The following SAMD5 variants were observed in gnomAD, a reference collection of about 807,000 sequenced individuals.
SAMD5 encodes sterile alpha motif domain-containing protein 5.
SAMD5 carries 13 observed loss-of-function variants against 11.3 expected under a neutral mutation model. The ratio of observed to expected loss-of-function variants is 1.15; its 90% CI spans 0.75 to 1.83. SAMD5 has a LOEUF of 1.83. Among genes scored for constraint, SAMD5 ranks in the 40% most tolerant of loss-of-function variants. SAMD5 has a pLI of 0.00. For synonymous variants in SAMD5, 129 were observed against 111.3 expected (o/e 1.16, Z -1.00); for missense variants, 255 against 239.1 (o/e 1.07, Z -0.44).
chr6:147,680,797 A>G (rs1790930029), intron 1 of SAMD5, among the ~76,000 whole-genome samples: 1 of 152,110 alleles, frequency 6.6e-6, no homozygotes, highest in Non-Finnish European at 1.5e-5. Context: ...GTCCTTTAAC[A>G]TGATTAAAAT....
chr6:147,769,311 T>C, the SAMD5 span, among the ~76,000 whole-genome samples: 2 of 152,240 alleles, frequency 1.3e-5, no homozygotes. Flanking sequence ...CATTATTTCA[T>C]TTCAATACCA....
chr6:147,607,560 C>T (rs1382280042), intron 1 of SAMD5, among the ~76,000 whole-genome samples: 1 of 151,914 alleles, frequency 6.6e-6, no homozygotes, highest in Non-Finnish European at 1.5e-5. Context: ...GATAAAGGTG[C>T]CAAGGATATA....
the SAMD5 span, among the ~76,000 whole-genome samples, chr6:147,909,308 A>G: frequency 6.6e-6 from 1 of 151,166 alleles, no homozygotes; most frequent in Non-Finnish European, 1.5e-5. Context: ...AAGTCCTTGA[A>G]GAATCTACAC....
the SAMD5 span, among the ~76,000 whole-genome samples, chr6:147,832,374 G>A: frequency 6.6e-6 from 1 of 152,022 alleles, no homozygotes; most frequent in Non-Finnish European, 1.5e-5. Context: ...AAATAAAAAC[G>A]ATGTGAATTT....
At chr6:147,896,875 C>T in the SAMD5 span, among the ~76,000 whole-genome samples, 1 of 151,864 alleles carries the variant, frequency 6.6e-6, no homozygotes, top group African/African-American at 2.4e-5. Flanking sequence ...AGAGCATGGA[C>T]GAACCTCAAA....
chr6:147,645,288 C>A (rs1790381295), intron 1 of SAMD5, among the ~76,000 whole-genome samples: 1 of 152,100 alleles, frequency 6.6e-6, no homozygotes, highest in Non-Finnish European at 1.5e-5. Context: ...GAACAAAGGC[C>A]AGCTCCCCTG....
At chr6:147,536,316 A>G (rs1788508770) in intron 1 of SAMD5, among the ~76,000 whole-genome samples, 1 of 152,192 alleles carries the variant, frequency 6.6e-6, no homozygotes, top group Non-Finnish European at 1.5e-5. Context: ...TATGCAATTA[A>G]CTATACTGCC....
the SAMD5 span, among the ~76,000 whole-genome samples, chr6:147,795,076 T>G: frequency 6.6e-6 from 1 of 151,726 alleles, no homozygotes; most frequent in African/African-American, 2.4e-5. Context: ...TTTTTTATTA[T>G]TATTATACTT....
the SAMD5 span, among the ~76,000 whole-genome samples, chr6:147,904,489 G>T: frequency 6.6e-6 from 1 of 152,180 alleles, no homozygotes. Flanking sequence ...GATTATGTGA[G>T]AAAGAAAAAC....
chr6:147,915,901 CT>C, the SAMD5 span, among the ~76,000 whole-genome samples: 1 of 119,832 alleles, frequency 8.3e-6, no homozygotes, highest in Non-Finnish European at 1.7e-5. Context: ...TCCCTCCCCC[CT>C]CCCCCCACCC....
intron 1 of SAMD5, among the ~76,000 whole-genome samples, chr6:147,658,618 G>A (rs1330745502): frequency 1.3e-5 from 2 of 151,286 alleles, no homozygotes; most frequent in Non-Finnish European, 2.9e-5. Flanking sequence ...GATATGAGAG[G>A]CATTAAAGAC....
rs758989797 is a variant in SAMD5, at chr6:147,567,438, G to A, written c.*2982G>A. Reference sequence around the variant, plus strand: ...ATTATTCTAGTAGTATTTTCCTGCGGTGAATCTGTTAAGGATGTAAGCTAT... The same window carrying A: ...ATTATTCTAGTAGTATTTTCCTGCGATGAATCTGTTAAGGATGTAAGCTAT... On this transcript the variant is annotated 3_prime_UTR_variant, in exon 2 of 2. Transcript: ENST00000367474. 5.0e-5 allele frequency: 49 copies of A among 984,546 alleles called. No individual in the cohort carries two copies. Among genetic ancestry groups the A allele is most frequent in the Non-Finnish European group, 5.9e-5 (49 of 829,224 alleles). The allele number at this position is 984,546 out of a possible 1,614,324, so 61.0% of individuals were successfully genotyped here. A position where few individuals can be genotyped will look rare whatever the true frequency, so the allele number is the denominator to read the frequency against.
chr6:147,799,118 T>C, the SAMD5 span, among the ~76,000 whole-genome samples: 1 of 151,992 alleles, frequency 6.6e-6, no homozygotes, highest in Non-Finnish European at 1.5e-5. Context: ...ATTATGATGT[T>C]AGCTGGTGAT....
chr6:147,511,976 G>T (rs1410509825), intron 1 of SAMD5, among the ~76,000 whole-genome samples: 3 of 152,142 alleles, frequency 2.0e-5, no homozygotes. Context: ...GTTTGTTTGA[G>T]ATGGAGTCTC....
intron 1 of SAMD5, among the ~76,000 whole-genome samples, chr6:147,616,029 A>G (rs1609734): frequency 0.28 from 42,428 of 151,518 alleles, 7,392 homozygotes; most frequent in African/African-American, 0.5. Context: ...GTGATGTTGG[A>G]CCTTTGCCTT....
At chr6:147,593,307 A>G (rs1183141436) in intron 1 of SAMD5, among the ~76,000 whole-genome samples, 1 of 152,170 alleles carries the variant, frequency 6.6e-6, no homozygotes, top group East Asian at 1.9e-4. Flanking sequence ...GACAGACAAC[A>G]TACAAGTAAA....
chr6:147,881,343 C>A, the SAMD5 span, among the ~76,000 whole-genome samples: 8 of 152,144 alleles, frequency 5.3e-5, no homozygotes, highest in Non-Finnish European at 1.2e-4. Context: ...TAGATGCCAC[C>A]TGACTCAAAA....
rs184384302 is a variant in SAMD5, at chr6:147,597,917, T to G, written c.162+88530T>G. Reference sequence around the variant, plus strand: ...AGATACTGCCCAGATAGAACCACCCTGCAGGCCGGGTCACTCAGAGCACCC... The same window carrying G: ...AGATACTGCCCAGATAGAACCACCCGGCAGGCCGGGTCACTCAGAGCACCC... On this transcript the variant is annotated intron_variant, in intron 1 of 1. Coordinates refer to the SAMD5 transcript ENST00000566741. Among the ~76,000 whole-genome samples the G allele has an allele frequency of 4.6e-3, 700 of 152,222 alleles. 4 individuals are homozygous for G. The highest frequency in any genetic ancestry group is 0.016 in the African/African-American group (678 of 41,558).
chr6:147,784,807 A>G, the SAMD5 span, among the ~76,000 whole-genome samples: 1 of 152,238 alleles, frequency 6.6e-6, no homozygotes, highest in Admixed American at 6.5e-5. Context: ...AATAAAATGA[A>G]TCACAGTCTG....
Sources: allele counts gnomAD v4.1 joint callset (sites outside exome capture counted in the v4.1 genomes callset), GRCh38; gene constraint gnomAD v4.1.1; transcripts MANE v1.5; gene names NCBI Gene and HGNC (gene_info 2026-07-23, HGNC 2026-07-21).